TOM1L2: variants seen among roughly 807,000 people sequenced by gnomAD.
The protein encoded by TOM1L2 is TOM1-like protein 2.
Under a neutral mutation model 67.9 loss-of-function variants are expected in TOM1L2, and 31 were observed. That is an observed-to-expected ratio of 0.46 (90% confidence interval 0.34 to 0.62). The LOEUF (loss-of-function observed/expected upper bound fraction) is 0.62, where lower values mean the gene tolerates loss of function less well. Ranked by LOEUF, TOM1L2 falls within the 20% of genes least tolerant of loss-of-function variation. The pLI is 0.01. For synonymous variants in TOM1L2, 256 were observed against 254.0 expected (o/e 1.01, Z -0.07); for missense variants, 606 against 663.5 (o/e 0.91, Z 0.95).
At chr17:17,927,647 T>C (rs2040149370) in intron 1 of TOM1L2, among the ~76,000 whole-genome samples, 1 of 151,710 alleles carries the variant, frequency 6.6e-6, no homozygotes, top group Admixed American at 6.6e-5. Context: ...GATATGATAA[T>C]AAGCTGTTGG....
rs537027112 is a variant in TOM1L2 at position 17,891,681 on chromosome 17, T to C, written c.366+1980A>G. Among the ~76,000 whole-genome samples the C allele has an allele frequency of 3.3e-5, 5 of 152,294 alleles. No homozygotes were observed. In the South Asian group the frequency reaches 1.0e-3, roughly 32 times the overall value. ...TTGTGAGAAGAAGCCACCATTTGTT[T>C]TCCTAACATGAATTCCTGGGGGTAT... is the stretch of plus-strand genomic sequence containing the variant. On this transcript the variant is annotated intron_variant, in intron 4 of 14. Transcript: ENST00000379504.
At chr17:17,971,393 A>G (rs1261001281) in intron 1 of TOM1L2, among the ~76,000 whole-genome samples, 8 of 152,112 alleles carry the variant, frequency 5.3e-5, no homozygotes. Flanking sequence ...TCTTATCATT[A>G]AATAACACAG....
At chr17:17,907,261 T>C (rs910489419) in intron 2 of TOM1L2, among the ~76,000 whole-genome samples, 186 bp downstream of exon 2, 11 of 152,348 alleles carry the variant, frequency 7.2e-5, no homozygotes, top group African/African-American at 2.6e-4. Context: ...AGCACTGCCA[T>C]TGGGCAAGTG....
chr17:17,852,864 TAAAAAAA>T (rs552138706), intron 12 of TOM1L2, among the ~76,000 whole-genome samples: 10 of 37,728 alleles, frequency 2.7e-4, no homozygotes, highest in Admixed American at 1.2e-3. Context: ...AAACTCTGTC[TAAAAAAA>T]AAAAAAAAAA....
At chr17:17,921,664 G>C (rs11078405) in intron 1 of TOM1L2, among the ~76,000 whole-genome samples, 1 of 150,834 alleles carries the variant, frequency 6.6e-6, no homozygotes, top group East Asian at 2.0e-4. Context: ...ACAGGTGGGG[G>C]TGGCTGGGAG....
Position 17,847,212 on chromosome 17 carries a change from G to T in TOM1L2, c.*423C>A. 1 of 198,496 alleles carries T rather than the reference G, an allele frequency of 5.0e-6. No individual in the cohort carries two copies. The highest frequency in any genetic ancestry group is 1.0e-5 in the Non-Finnish European group (1 of 96,180). 12.3% of individuals were successfully genotyped at this position (198,496 alleles called of 1,614,324 possible). ...CCACAAAGCCCCTTCAGGGAGAGAG[G>T]GGCCCAGGAGGGCAGAATGCCTGAG... On this transcript the variant is annotated 3_prime_UTR_variant, in exon 15 of 15. Coordinates refer to ENST00000379504, the MANE Select transcript of TOM1L2 (RefSeq NM_001082968.2).
intron 1 of TOM1L2, among the ~76,000 whole-genome samples, chr17:17,920,180 A>G (rs1161008242): frequency 2.0e-5 from 3 of 151,970 alleles, no homozygotes; most frequent in African/African-American, 7.2e-5. Context: ...GAAAGTGTCA[A>G]GTTAAATTAG....
At chr17:17,921,859 C>T (rs1598343448) in intron 1 of TOM1L2, among the ~76,000 whole-genome samples, 1 of 152,146 alleles carries the variant, frequency 6.6e-6, no homozygotes, top group East Asian at 1.9e-4. Context: ...GGGGCTGTTC[C>T]CCTCGCCCTC....
chr17:17,920,345 T>A (rs1055158569), intron 1 of TOM1L2, among the ~76,000 whole-genome samples: 2 of 144,968 alleles, frequency 1.4e-5, no homozygotes, highest in Non-Finnish European at 3.0e-5. Flanking sequence ...ATTTTTTTTT[T>A]TTTTTTTTTT....
chr17:17,949,842 C>G (rs1247325664), intron 1 of TOM1L2, among the ~76,000 whole-genome samples: 3 of 115,556 alleles, frequency 2.6e-5, no homozygotes, highest in Non-Finnish European at 3.6e-5. Context: ...TGTTCTCTCT[C>G]TCTATTTTTT....
intron 1 of TOM1L2, among the ~76,000 whole-genome samples, chr17:17,934,944 A>G (rs1228552584): frequency 1.3e-5 from 2 of 152,250 alleles, no homozygotes; most frequent in African/African-American, 4.8e-5. Context: ...TTCATTACTC[A>G]GCCACCGTGC....
chr17:17,860,948 C>T (rs137936959), intron 12 of TOM1L2, among the ~76,000 whole-genome samples: 2 of 152,186 alleles, frequency 1.3e-5, no homozygotes, highest in South Asian at 4.1e-4. Context: ...CCCTGGCTCT[C>T]GAGTGCCTTC....
At chr17:17,871,917 C>T in intron 7 of TOM1L2, 1 of 913,956 alleles carries the variant, frequency 1.1e-6, no homozygotes, top group Non-Finnish European at 1.3e-6. Flanking sequence ...ATCTTAATTG[C>T]AGGGGACACT....
intron 12 of TOM1L2, among the ~76,000 whole-genome samples, chr17:17,853,980 G>C (rs983628822): frequency 9.2e-5 from 14 of 152,304 alleles, no homozygotes; most frequent in African/African-American, 3.4e-4. Flanking sequence ...GAAACCCAGG[G>C]ATGTCAGAAA....
At chr17:17,900,407 AG>A (rs1404653234) in intron 2 of TOM1L2, among the ~76,000 whole-genome samples, 2 of 151,398 alleles carry the variant, frequency 1.3e-5, no homozygotes. Flanking sequence ...CTGTAGTCCC[AG>A]GTACTCTGGA....
intron 1 of TOM1L2, among the ~76,000 whole-genome samples, chr17:17,955,513 G>C (rs2144952387): frequency 6.6e-6 from 1 of 151,950 alleles, no homozygotes; most frequent in South Asian, 2.1e-4. Flanking sequence ...TAAATTTTTT[G>C]TATTTTTAGC....
At chr17:17,922,591 T>G (rs898584460) in intron 1 of TOM1L2, among the ~76,000 whole-genome samples, 2 of 152,164 alleles carry the variant, frequency 1.3e-5, no homozygotes, top group Non-Finnish European at 2.9e-5. Flanking sequence ...GGGGTCAGTC[T>G]TGGCTCTCTC....
At chr17:17,868,526 C>A (rs1286746517) in intron 8 of TOM1L2, among the ~76,000 whole-genome samples, 1 of 152,200 alleles carries the variant, frequency 6.6e-6, no homozygotes, top group Non-Finnish European at 1.5e-5. Context: ...ACTGTCCTGT[C>A]CTCTCAAGCC....
intron 1 of TOM1L2, among the ~76,000 whole-genome samples, chr17:17,950,156 A>C (rs1192908512): frequency 6.9e-6 from 1 of 144,836 alleles, no homozygotes; most frequent in Admixed American, 6.9e-5. Flanking sequence ...TCACCACACC[A>C]GGCCTATTTT....
Sources: gnomAD v4.1 joint callset for allele counts (sites outside exome capture counted in the v4.1 genomes callset) on GRCh38, gnomAD v4.1.1 for gene constraint, MANE v1.5 for transcripts, NCBI Gene and HGNC (gene_info 2026-07-23, HGNC 2026-07-21) for gene names.